Variants in GRM8 observed in about 807,000 individuals in gnomAD.
GRM8 encodes the protein metabotropic glutamate receptor 8.
GRM8 carries 47 observed loss-of-function variants against 87.2 expected under a neutral mutation model. The observed-to-expected ratio is 0.54, with a 90% CI of 0.43 to 0.69. The LOEUF is 0.69. GRM8 is among the 30% of genes least tolerant of loss of function. The probability of loss-of-function intolerance (pLI) is 0.00; values close to 1 mark genes in which losing one functional copy is unlikely to be tolerated. For missense variants in GRM8, 1,019 were observed against 1,139.2 expected, an observed-to-expected ratio of 0.89 and a Z score of 1.52; for synonymous variants, 396 against 404.5, an observed-to-expected ratio of 0.98 and a Z score of 0.25.
intron 7 of GRM8, among the ~76,000 whole-genome samples, chr7:126,672,360 AGAAAG>A (rs1211321732): frequency 6.6e-6 from 1 of 152,166 alleles, no homozygotes; most frequent in Non-Finnish European, 1.5e-5. Flanking sequence ...TGCTAGGAAA[AGAAAG>A]GAACCAGGGA....
At chr7:127,056,475 A>G (rs1353895510) in intron 3 of GRM8, among the ~76,000 whole-genome samples, 1 of 152,182 alleles carries the variant, frequency 6.6e-6, no homozygotes. Flanking sequence ...CACTTAGCTA[A>G]TGATCTACTG....
chr7:126,583,930 A>G (rs1479052097), intron 8 of GRM8, among the ~76,000 whole-genome samples: 1 of 152,204 alleles, frequency 6.6e-6, no homozygotes, highest in African/African-American at 2.4e-5. Context: ...ATGTTACCAA[A>G]CAGTATCATA....
intron 3 of GRM8, among the ~76,000 whole-genome samples, chr7:126,933,300 G>A (rs181010433): frequency 5.3e-4 from 81 of 152,328 alleles, no homozygotes; most frequent in African/African-American, 1.7e-3. Flanking sequence ...AGTCAGGTGC[G>A]AAGAGCAATG....
intron 2 of GRM8, among the ~76,000 whole-genome samples, chr7:127,116,937 G>A (rs1429839310): frequency 6.6e-6 from 1 of 152,110 alleles, no homozygotes; most frequent in African/African-American, 2.4e-5. Context: ...TTATCAGCAG[G>A]GACTTGCATT....
intron 3 of GRM8, among the ~76,000 whole-genome samples, chr7:127,060,964 T>C (rs138421232): frequency 2.7e-4 from 41 of 152,318 alleles, no homozygotes; most frequent in African/African-American, 7.5e-4. Context: ...TGTCCAGTTA[T>C]ATAGTGATAG....
chr7:127,219,891 C>T (rs1377329751), intron 2 of GRM8, among the ~76,000 whole-genome samples: 1 of 152,128 alleles, frequency 6.6e-6, no homozygotes, highest in African/African-American at 2.4e-5. Context: ...CAAACAGACT[C>T]CTCCTCTTAA....
intron 6 of GRM8, among the ~76,000 whole-genome samples, chr7:126,787,921 C>T (rs144984077): frequency 7.5e-4 from 114 of 152,026 alleles, no homozygotes; most frequent in African/African-American, 2.7e-3. Flanking sequence ...GTTTGTGATC[C>T]GTTTCATTCT....
chr7:126,476,230 A>C (rs1805890958), intron 9 of GRM8, among the ~76,000 whole-genome samples: 1 of 152,130 alleles, frequency 6.6e-6, no homozygotes, highest in Non-Finnish European at 1.5e-5. Context: ...GAGGCTGGGC[A>C]ACATAGCAAT....
At chr7:126,706,709 G>A (rs889996871) in intron 7 of GRM8, among the ~76,000 whole-genome samples, 3 of 152,144 alleles carry the variant, frequency 2.0e-5, no homozygotes, top group Non-Finnish European at 4.4e-5. Flanking sequence ...TCAGAATGCA[G>A]AATGTTTTGC....
chr7:126,664,314 A>G (rs1360830877), intron 7 of GRM8, among the ~76,000 whole-genome samples: 1 of 152,220 alleles, frequency 6.6e-6, no homozygotes, highest in Non-Finnish European at 1.5e-5. Context: ...ACCAAAAAAG[A>G]GCCCAAATAC....
At chr7:127,090,334 T>G (rs4728064) in intron 3 of GRM8, among the ~76,000 whole-genome samples, 1 of 152,302 alleles carries the variant, frequency 6.6e-6, no homozygotes, top group South Asian at 2.1e-4. Flanking sequence ...AAATGAATGG[T>G]GAATAAGCAA....
intron 7 of GRM8, among the ~76,000 whole-genome samples, chr7:126,681,990 T>C (rs1006787504): frequency 6.6e-6 from 1 of 152,166 alleles, no homozygotes; most frequent in African/African-American, 2.4e-5. Context: ...CAACCCAATA[T>C]ATAGAAATAA....
chr7:127,227,199 G>C (rs1400063687), intron 2 of GRM8, among the ~76,000 whole-genome samples: 1 of 152,226 alleles, frequency 6.6e-6, no homozygotes, highest in Non-Finnish European at 1.5e-5. Flanking sequence ...CTGAAACTGG[G>C]ACAAGGATGG....
chr7:126,449,659 C>T (rs1802403015), intron 9 of GRM8, among the ~76,000 whole-genome samples: 1 of 151,808 alleles, frequency 6.6e-6, no homozygotes, highest in South Asian at 2.1e-4. Flanking sequence ...GAACTCAAGA[C>T]CATATTTACT....
chr7:127,163,591 T>G (rs574610442), intron 2 of GRM8, among the ~76,000 whole-genome samples: 1 of 152,202 alleles, frequency 6.6e-6, no homozygotes, highest in Non-Finnish European at 1.5e-5. Context: ...TATTTATCCA[T>G]GTATAAGAAT....
chr7:126,555,439 C>T (rs1157512061), intron 8 of GRM8, among the ~76,000 whole-genome samples: 1 of 152,200 alleles, frequency 6.6e-6, no homozygotes, highest in East Asian at 1.9e-4. Context: ...CAGCTATAAA[C>T]TAGAATCCCT....
At chr7:126,772,170 C>T (rs1818918528) in intron 6 of GRM8, among the ~76,000 whole-genome samples, 1 of 152,094 alleles carries the variant, frequency 6.6e-6, no homozygotes, top group Non-Finnish European at 1.5e-5. Flanking sequence ...ACTATCCCCT[C>T]TTGTTTAGTC....
chr7:126,894,584 T>G (rs191973011), intron 6 of GRM8, among the ~76,000 whole-genome samples: 2 of 152,132 alleles, frequency 1.3e-5, no homozygotes, highest in African/African-American at 4.8e-5. Context: ...CTTCTAAAAA[T>G]GTTAGTTTCT....
chr7:127,182,431 T>C (rs1187030449), intron 2 of GRM8, among the ~76,000 whole-genome samples: 1 of 152,086 alleles, frequency 6.6e-6, no homozygotes, highest in Non-Finnish European at 1.5e-5. Flanking sequence ...TGGAAAATAG[T>C]GTGGAGATTC....
Sources: gnomAD v4.1 joint callset for allele counts (sites outside exome capture counted in the v4.1 genomes callset) on GRCh38, gnomAD v4.1.1 for gene constraint, MANE v1.5 for transcripts, NCBI Gene and HGNC (gene_info 2026-07-23, HGNC 2026-07-21) for gene names.